The following HDAC5 variants were observed in gnomAD, a reference collection of about 807,000 sequenced individuals.
HDAC5 encodes antigen NY-CO-9.
In HDAC5, 25 loss-of-function variants were observed where a neutral mutation model predicts 133.3. The ratio of observed to expected loss-of-function variants is 0.19; its 90% confidence interval spans 0.14 to 0.26. The LOEUF (loss-of-function observed/expected upper bound fraction) is 0.26, where lower values mean the gene tolerates loss of function less well. Ranked by LOEUF, HDAC5 falls within the 10% of genes least tolerant of loss-of-function variation. The pLI, the probability that HDAC5 is intolerant of heterozygous loss-of-function variation, is 1.00. For missense variants in HDAC5, 1,041 were observed against 1,460.5 expected (o/e 0.71, Z 4.68); for synonymous variants, 589 against 610.8 (o/e 0.96, Z 0.53).
intron 3 of HDAC5, among the ~76,000 whole-genome samples, chr17:44,107,423 C>T (rs1010167635): frequency 6.6e-6 from 1 of 152,098 alleles, no homozygotes; most frequent in East Asian, 1.9e-4. Context: ...GCTTGGCCAA[C>T]ATAGTGAAAA....
At position 44,093,124 on chromosome 17, in the gene HDAC5, G is replaced by C; in HGVS notation, c.609C>G (p.Leu203=). ...TGGGGTGCTGTGGGAGGGAATGGTTGAGGCCGCCTGGTGTGGGCTCCTTTG... is the reference window on the plus strand; with the variant it reads ...TGGGGTGCTGTGGGAGGGAATGGTTCAGGCCGCCTGGTGTGGGCTCCTTTG... ...SKSKEPTPGG[L]NHSLPQHPKC... The change falls in exon 6 of 27, where the codon CTC becomes CTG. Residue 203 remains leucine (L), a synonymous_variant. Transcript: ENST00000682912. 3 of 1,613,636 alleles carry C rather than the reference G, an allele frequency of 1.9e-6. No homozygotes were observed. Among genetic ancestry groups the C allele is most frequent in the South Asian group, 2.2e-5 (2 of 91,020 alleles).
chr17:44,085,656 C>T (rs1027963868), intron 14 of HDAC5, among the ~76,000 whole-genome samples: 4 of 151,948 alleles, frequency 2.6e-5, no homozygotes, highest in Non-Finnish European at 4.4e-5. Flanking sequence ...CATGTGCCAC[C>T]ACGCCTGGCT....
At chr17:44,107,667 A>C (rs1196959052) in intron 3 of HDAC5, among the ~76,000 whole-genome samples, 2 of 150,330 alleles carry the variant, frequency 1.3e-5, no homozygotes, top group Non-Finnish European at 3.0e-5. Context: ...CACTCAGTGC[A>C]TTATAATAGT....
intron 21 of HDAC5, 89 bp from the exon 22 acceptor site, chr17:44,080,587 T>G: frequency 2.7e-6 from 4 of 1,485,896 alleles, no homozygotes; most frequent in Non-Finnish European, 3.7e-6. Context: ...CAGATCTCAC[T>G]CCACTGACCT....
At chr17:44,123,012 A>G (rs947041906) in intron 1 of HDAC5, among the ~76,000 whole-genome samples, 3 of 152,230 alleles carry the variant, frequency 2.0e-5, no homozygotes, top group Non-Finnish European at 2.9e-5. Flanking sequence ...AGTCAAGGAC[A>G]TAAAATCAAG....
At chr17:44,116,461 G>A (rs1598040025) in intron 2 of HDAC5, among the ~76,000 whole-genome samples, 1 of 152,120 alleles carries the variant, frequency 6.6e-6, no homozygotes, top group East Asian at 1.9e-4. Flanking sequence ...AGAAAATGTG[G>A]GGTGGTCTGG....
intron 10 of HDAC5, 70 bp from the exon 11 acceptor site, chr17:44,091,562 C>A: frequency 6.7e-7 from 1 of 1,485,708 alleles, no homozygotes; most frequent in Admixed American, 2.3e-5. Flanking sequence ...CCCATCTACC[C>A]ACTATCTACC....
chr17:44,091,692 G>A lies in HDAC5; in HGVS notation c.1164+8C>T, dbSNP rs201243274. 104 of 1,552,964 alleles carry A rather than the reference G, an allele frequency of 6.7e-5. No homozygotes were observed. In the African/African-American group the frequency reaches 1.0e-3, roughly 15 times the overall value. On this transcript the variant is annotated splice_region_variant and intron_variant, in intron 10 of 26. Transcript: ENST00000682912. Reference sequence around the variant, plus strand: ...AGAGGGAAGATGGGGTATATGCCCTGTACTTACAGTGAGGTGTGAGTTGGT... The same window carrying A: ...AGAGGGAAGATGGGGTATATGCCCTATACTTACAGTGAGGTGTGAGTTGGT...
rs985719822 is a variant in HDAC5, at chr17:44,123,610, C to A, written c.-296G>T. The A allele has an allele frequency of 1.5e-5, 6 of 396,806 alleles. No individual in the cohort carries two copies. The South Asian group carries it at 7.6e-4, about 50-fold the overall frequency. The allele number at this position is 396,806 out of a possible 1,614,324, so 24.6% of individuals were successfully genotyped here. A position where few individuals can be genotyped will look rare whatever the true frequency, so the allele number is the denominator to read the frequency against. On this transcript the variant is annotated 5_prime_UTR_variant, in exon 1 of 27. Transcript: ENST00000682912. ...TCCTCCATCTTTGCGGCGGCTCCTCCGGCTCCGCTCGCCGCCGCCACCAAC... is the reference window on the plus strand; with the variant it reads ...TCCTCCATCTTTGCGGCGGCTCCTCAGGCTCCGCTCGCCGCCGCCACCAAC...
chr17:44,078,644 T>C lies in HDAC5; in HGVS notation c.3185A>G (p.Gln1062Arg), dbSNP rs746077210. The C allele has an allele frequency of 6.2e-7, 1 of 1,605,994 alleles. No individual in the cohort carries two copies. The highest frequency in any genetic ancestry group is 1.1e-5 in the South Asian group (1 of 90,996). ...CCGGCCCAGACCAGCGGCGAACTTC[T>C]GCACACAGCTCCAGTGTTTGCCTGT... ...EIQSKHWSCVQKFAAGLGRSL... is the reference protein window; with the variant it reads ...EIQSKHWSCVRKFAAGLGRSL... Residue 1062 changes from glutamine to arginine, a missense_variant, in exon 26 of 27, where the codon CAG becomes CGG. Gln to Arg is a conservative substitution (Grantham distance 43). Around this residue, in one of 9 missense-constraint regions of HDAC5, gnomAD observed 95 missense variants for 107.3 expected, o/e 0.88. Coordinates refer to ENST00000682912, the MANE Select transcript of HDAC5 (RefSeq NM_005474.5).
rs376911540 is a variant in HDAC5 at position 44,093,566 on chromosome 17, C to G, written c.354+9G>C. ...GGTCTGGGCGGCCCCCCGCACCCCC[C>G]TCGCTCACCTTGAGGTGCTTCTGCA... On this transcript the variant is annotated intron_variant, in intron 4 of 26. Transcript: ENST00000682912. 4.1e-5 allele frequency: 66 copies of G among 1,601,638 alleles called. No individual in the cohort carries two copies. Among genetic ancestry groups the G allele is most frequent in the East Asian group, 2.2e-5 (1 of 44,738 alleles).
intron 3 of HDAC5, among the ~76,000 whole-genome samples, chr17:44,099,017 G>C (rs2051429934): frequency 1.3e-5 from 2 of 152,062 alleles, no homozygotes; most frequent in Admixed American, 1.3e-4. Flanking sequence ...TCGGGAGGCT[G>C]AGGCAGGAAA....
chr17:44,097,528 C>T (rs1597985022), intron 3 of HDAC5, among the ~76,000 whole-genome samples: 1 of 152,236 alleles, frequency 6.6e-6, no homozygotes, highest in Non-Finnish European at 1.5e-5. Flanking sequence ...CCACAGCCCA[C>T]GATGGTGGCA....
rs139761797 is a variant in HDAC5 at position 44,088,588 on chromosome 17, G to A, written c.1398C>T (p.His466=). The A allele has an allele frequency of 2.4e-5, 38 of 1,612,482 alleles. No homozygotes were observed. In the East Asian group the frequency reaches 6.5e-4, roughly 27 times the overall value. The stretch of plus-strand genomic sequence containing the variant: ...CACCCGTCACTAGTGGGGACTGCCC[G>A]TGGAGTGGCACTACGGAGTTGGGGG... ...QQSTLIAVPL[H]GQSPLVTGER... is the part of the protein sequence containing the mutation. Residue 466 remains histidine (H), a synonymous_variant, in exon 12 of 27, where the codon CAC becomes CAT. Coordinates refer to ENST00000682912, the MANE Select transcript of HDAC5 (RefSeq NM_005474.5).
intron 14 of HDAC5, among the ~76,000 whole-genome samples, chr17:44,086,183 G>A (rs73308506): frequency 0.011 from 1,719 of 152,224 alleles, 33 homozygotes; most frequent in African/African-American, 0.039. Context: ...CCTCAGGCAC[G>A]TCTGTGTCCC....
At chr17:44,086,986 CGGGGGCGGGGT>C (rs1272628155) in intron 13 of HDAC5, among the ~76,000 whole-genome samples, 3 of 2,836 alleles carry the variant, frequency 1.1e-3, no homozygotes, top group African/African-American at 4.3e-3. Flanking sequence ...GGGGTGGGGG[CGGGGGCGGGGT>C]GGGGGCGGGA....
At chr17:44,092,327 C>A in intron 8 of HDAC5, 43 bp from the exon 9 acceptor site, 1 of 1,612,196 alleles carries the variant, frequency 6.2e-7, no homozygotes, top group Non-Finnish European at 8.5e-7. Context: ...TGTGAACTAC[C>A]CCCGACCCCT....
intron 11 of HDAC5, among the ~76,000 whole-genome samples, chr17:44,089,178 G>C (rs1286548186): frequency 6.6e-6 from 1 of 152,214 alleles, no homozygotes; most frequent in Non-Finnish European, 1.5e-5. Flanking sequence ...GTATACACTA[G>C]ATTTCAAAGA....
Position 44,086,772 on chromosome 17 carries a change from C to T in HDAC5, c.1885-35G>A, listed in dbSNP as rs771652293. 7.0e-6 allele frequency: 9 copies of T among 1,276,894 alleles called. No homozygotes were observed. The Admixed American group carries it at 1.1e-4, about 16-fold the overall frequency. 79.1% of individuals were successfully genotyped at this position (1,276,894 alleles called of 1,614,324 possible). On this transcript the variant is annotated intron_variant, in intron 13 of 26. Coordinates refer to ENST00000682912, the MANE Select transcript of HDAC5 (RefSeq NM_005474.5). ...AGAATGGGAGGGGGCCTGGGTCAGA[C>T]TCAGCCAGGACAGGGGTGAGGGCAG... is the stretch of plus-strand genomic sequence containing the variant.
Sources: allele counts gnomAD v4.1 joint callset (sites outside exome capture counted in the v4.1 genomes callset), GRCh38; gene constraint gnomAD v4.1.1; regional missense constraint gnomAD v4.1.1; transcripts MANE v1.5; gene names NCBI Gene and HGNC (gene_info 2026-07-23, HGNC 2026-07-21).